KIF13B: variants seen among roughly 807,000 people sequenced by gnomAD.
KIF13B encodes kinesin family member 13B, also known as kinesin-like protein KIF13B.
Under a neutral mutation model 222.0 loss-of-function variants are expected in KIF13B, and 127 were observed. The observed-to-expected ratio is 0.57, with a 90% CI of 0.50 to 0.66. The LOEUF (loss-of-function observed/expected upper bound fraction) is 0.66. Ranked by LOEUF, KIF13B falls within the 30% of genes least tolerant of loss-of-function variation. The pLI is 0.00. For missense variants in KIF13B, 2,173 were observed against 2,379.0 expected (o/e 0.91, Z 1.80); for synonymous variants, 976 against 919.0 (o/e 1.06, Z -1.12).
chr8:29,262,655 G>A (rs1293452087), intron 1 of KIF13B, among the ~76,000 whole-genome samples: 1 of 151,302 alleles, frequency 6.6e-6, no homozygotes, highest in Non-Finnish European at 1.5e-5. Context: ...GGGCGCGAGG[G>A]CCGAGGGCGC....
chr8:29,099,209 T>C lies in KIF13B; in HGVS notation c.4248A>G (p.Gln1416=). Residue 1416 remains glutamine, a synonymous_variant, in exon 36 of 40, where the codon CAA becomes CAG. Transcript: ENST00000524189. ...GRWESQQDVS[Q]TTVSRGIAPA... ...GAGCTATTCCTCTGGAAACTGTGGT[T>C]TGGGATACATCCTGCTGACTTTCCC... is the stretch of plus-strand genomic sequence containing the variant. 6.2e-7 allele frequency: 1 copy of C among 1,613,692 alleles called. No homozygotes were observed. Among genetic ancestry groups the C allele is most frequent in the Non-Finnish European group, 8.5e-7 (1 of 1,179,728 alleles).
At chr8:29,143,529 A>C (rs1563736975) in intron 18 of KIF13B, among the ~76,000 whole-genome samples, 1 of 152,200 alleles carries the variant, frequency 6.6e-6, no homozygotes. Context: ...ACCGTGCCAA[A>C]TGCCACTGAG....
chr8:29,096,293 CTTTTTTTTTTTTT>C (rs61008499), intron 36 of KIF13B, among the ~76,000 whole-genome samples: 2 of 76,692 alleles, frequency 2.6e-5, no homozygotes, highest in East Asian at 4.4e-4. Flanking sequence ...CCAAGCTTTT[CTTTTTTTTTTTTT>C]TTTTTTTTTT....
At chr8:29,203,170 T>C (rs1813774523) in intron 2 of KIF13B, among the ~76,000 whole-genome samples, 1 of 152,238 alleles carries the variant, frequency 6.6e-6, no homozygotes, top group Non-Finnish European at 1.5e-5. Flanking sequence ...ACAAGGCTTT[T>C]TGCTTATTCT....
At chr8:29,182,685 T>C (rs1249579898) in intron 6 of KIF13B, among the ~76,000 whole-genome samples, 1 of 151,716 alleles carries the variant, frequency 6.6e-6, no homozygotes, top group African/African-American at 2.4e-5. Flanking sequence ...ACAGATAGCA[T>C]ACTTAATAAT....
At chr8:29,089,633 C>A (rs1285575869) in intron 37 of KIF13B, among the ~76,000 whole-genome samples, 2 of 152,072 alleles carry the variant, frequency 1.3e-5, no homozygotes, top group Non-Finnish European at 2.9e-5. Flanking sequence ...GTGGCTCAAG[C>A]CTATAATCCC....
chr8:29,146,653 C>A, intron 17 of KIF13B, 113 bp from the exon 18 acceptor site: 2 of 943,204 alleles, frequency 2.1e-6, no homozygotes, highest in Admixed American at 2.3e-5. Context: ...TGAGCTTTTT[C>A]CGTGGTCGTC....
At chr8:29,147,663 T>C (rs532218979) in intron 16 of KIF13B, 61 bp from the exon 17 acceptor site, 5 of 1,224,176 alleles carry the variant, frequency 4.1e-6, no homozygotes, top group East Asian at 4.7e-5. Context: ...ACTTCAAATG[T>C]TGTTCTATAT....
chr8:29,186,135 G>A (rs1182403334), intron 6 of KIF13B, among the ~76,000 whole-genome samples, 157 bp downstream of exon 6: 1 of 152,184 alleles, frequency 6.6e-6, no homozygotes, highest in African/African-American at 2.4e-5. Flanking sequence ...TTGAGCCCAG[G>A]AGTTCAAGGC....
chr8:29,096,832 C>A (rs1049566062), intron 36 of KIF13B, among the ~76,000 whole-genome samples: 17 of 151,408 alleles, frequency 1.1e-4, no homozygotes, highest in African/African-American at 3.6e-4. Flanking sequence ...ATACAGGTGT[C>A]CAAAAAAGCA....
chr8:29,176,277 C>T lies in KIF13B; in HGVS notation c.834-98G>A, dbSNP rs1027570242. On this transcript the variant is annotated intron_variant, in intron 9 of 39. Transcript: ENST00000524189. ...GAACACTAAGATGCCCTTGTACCTG[C>T]ATGTGAGCAGCACCCTGTCAGCATT... 3 of 703,522 alleles carry T rather than the reference C, an allele frequency of 4.3e-6. No individual in the cohort carries two copies. In the Admixed American group the frequency reaches 7.8e-5, roughly 18 times the overall value. The allele number at this position is 703,522 out of a possible 1,614,324, so 43.6% of individuals were successfully genotyped here. A position where few individuals can be genotyped will look rare whatever the true frequency, so the allele number is the denominator to read the frequency against.
At chr8:29,158,261 C>T (rs185476052) in intron 13 of KIF13B, among the ~76,000 whole-genome samples, 1 of 152,094 alleles carries the variant, frequency 6.6e-6, no homozygotes, top group East Asian at 1.9e-4. Flanking sequence ...ATCTTGTATT[C>T]CAAGCACTTA....
chr8:29,109,200 C>A (rs867940774), intron 34 of KIF13B, among the ~76,000 whole-genome samples: 3 of 152,162 alleles, frequency 2.0e-5, no homozygotes, highest in African/African-American at 7.2e-5. Context: ...CAGTGGTGAT[C>A]GGAAGATAAG....
chr8:29,148,515 T>C, intron 16 of KIF13B, 62 bp downstream of exon 16: 1 of 1,269,232 alleles, frequency 7.9e-7, no homozygotes, highest in Non-Finnish European at 1.1e-6. Flanking sequence ...GCTCAAGCGA[T>C]CTCCCCACCT....
At chr8:29,193,841 G>C (rs1283212238) in intron 3 of KIF13B, among the ~76,000 whole-genome samples, 1 of 152,018 alleles carries the variant, frequency 6.6e-6, no homozygotes, top group Non-Finnish European at 1.5e-5. Flanking sequence ...TTTTTGAGAC[G>C]GAGTCTCGCT....
In KIF13B at chr8:29,165,775, A is replaced by G. The variant is rs1417654336; in HGVS notation, c.1159-3T>C. On this transcript the variant is annotated splice_region_variant and splice_polypyrimidine_tract_variant and intron_variant, in intron 11 of 39. Transcript: ENST00000524189. ...TTTAGCTCTGGAGATTTCATTGCCT[A>G]CAAGCAAAATGTTTACTTCATGAAA... 1 of 1,598,692 alleles carries G rather than the reference A, an allele frequency of 6.3e-7. No homozygotes were observed. Among genetic ancestry groups the G allele is most frequent in the African/African-American group, 1.3e-5 (1 of 74,710 alleles).
At position 29,095,882 on chromosome 8, in the gene KIF13B, G is replaced by GA. The variant is rs1369754128; in HGVS notation, c.4325-3005dup. Reference sequence around the variant, plus strand: ...GACTGGATACTGCCAGAAATAATCTGAAAAAAACAAAACAAAACGAAACAA... The same window carrying GA: ...GACTGGATACTGCCAGAAATAATCTGAAAAAAAACAAAACAAAACGAAACAA... On this transcript the variant is annotated intron_variant, in intron 36 of 39. Coordinates refer to ENST00000524189, the MANE Select transcript of KIF13B (RefSeq NM_015254.4). Among the ~76,000 whole-genome samples the GA allele has an allele frequency of 4.6e-5, 7 of 150,880 alleles. No homozygotes were observed. The East Asian group carries it at 9.7e-4, about 21-fold the overall frequency.
chr8:29,105,650 G>GTTTTTTTT lies in KIF13B; in HGVS notation c.4215+2481_4215+2488dup, dbSNP rs869030059. ...AAGGAAACTGGGCAGAGTTTGTTTG[G>GTTTTTTTT]TTTTTTTTTTTTTTTTTTTTTTTTT... On this transcript the variant is annotated intron_variant, in intron 35 of 39. Transcript: ENST00000524189. Among the ~76,000 whole-genome samples the GTTTTTTTT allele has an allele frequency of 3.8e-4, 30 of 78,072 alleles. 6 individuals carry two copies. Among genetic ancestry groups the GTTTTTTTT allele is most frequent in the African/African-American group, 1.1e-3 (20 of 17,930 alleles). 51.2% of individuals were successfully genotyped at this position (78,072 alleles called of 152,430 possible). A position where few individuals can be genotyped will look rare whatever the true frequency, so the allele number is the denominator to read the frequency against.
chr8:29,151,557 A>G (rs542556792), intron 14 of KIF13B, among the ~76,000 whole-genome samples: 2 of 152,318 alleles, frequency 1.3e-5, no homozygotes, highest in East Asian at 1.9e-4. Context: ...CCATTCTGAA[A>G]ATCCTAGGGC....
Sources: gnomAD v4.1 joint callset for allele counts (sites outside exome capture counted in the v4.1 genomes callset) on GRCh38, gnomAD v4.1.1 for gene constraint, MANE v1.5 for transcripts, NCBI Gene and HGNC (gene_info 2026-07-23, HGNC 2026-07-21) for gene names.